UGT1A3: variants seen among roughly 807,000 people sequenced by gnomAD.
UGT1A3 encodes UDP glucuronosyltransferase family 1 member A3.
UGT1A3 carries 31 observed loss-of-function variants against 41.0 expected under a neutral mutation model. The ratio of observed to expected loss-of-function variants is 0.76; its 90% CI spans 0.57 to 1.02. UGT1A3 has a LOEUF of 1.02. Ranked by LOEUF, UGT1A3 falls within the 50% of genes least tolerant of loss-of-function variation. The probability of loss-of-function intolerance (pLI) is 0.00; values close to 1 mark genes in which losing one functional copy is unlikely to be tolerated. For missense variants in UGT1A3, 737 were observed against 671.0 expected (o/e 1.10, Z -1.09); for synonymous variants, 262 against 257.6 (o/e 1.02, Z -0.17).
At chr2:233,734,972 G>C (rs1474652770) in intron 1 of UGT1A3, among the ~76,000 whole-genome samples, 2 of 152,238 alleles carry the variant, frequency 1.3e-5, no homozygotes, top group East Asian at 1.9e-4. Context: ...ATGTGGTGCT[G>C]AGAAGAATGT....
Position 233,761,147 on chromosome 2 carries a change from C to A in UGT1A3, c.868-5887C>A. 1.9e-6 allele frequency: 3 copies of A among 1,614,204 alleles called. No individual in the cohort carries two copies. In the South Asian group the frequency reaches 3.3e-5, roughly 18 times the overall value. ...AACTGCCTTCACCAAAATCCACTATCCCAGGTGTGTATTGGAGTGGGACTT... is the reference window on the plus strand; with the variant it reads ...AACTGCCTTCACCAAAATCCACTATACCAGGTGTGTATTGGAGTGGGACTT... On this transcript the variant is annotated intron_variant, in intron 1 of 4. Transcript: ENST00000482026.
intron 1 of UGT1A3, among the ~76,000 whole-genome samples, chr2:233,765,843 C>G (rs546022798): frequency 2.0e-4 from 31 of 152,086 alleles, no homozygotes; most frequent in African/African-American, 7.2e-4. Context: ...TTTCCTTGTC[C>G]CCCTCACAGA....
chr2:233,767,805 T>C lies in UGT1A3; in HGVS notation c.1000-44T>C, dbSNP rs774301079. On this transcript the variant is annotated intron_variant, in intron 2 of 4. Coordinates refer to ENST00000482026, the MANE Select transcript of UGT1A3 (RefSeq NM_019093.4). The stretch of plus-strand genomic sequence containing the variant: ...GTATAGCAGATTTGTTTTCTAATCA[T>C]ATTATGTTCTTTCTTTACGTTCTGC... 24 of 1,614,048 alleles carry C rather than the reference T, an allele frequency of 1.5e-5. No homozygotes were observed. In the South Asian group the frequency reaches 2.5e-4, roughly 17 times the overall value.
chr2:233,755,491 T>C (rs112011393), intron 1 of UGT1A3: 20 of 202,890 alleles, frequency 9.9e-5, no homozygotes, highest in Non-Finnish European at 1.9e-4. Flanking sequence ...GGCCCTGTGA[T>C]GCTCCAAGAC....
chr2:233,744,582 C>T (rs1692857811), intron 1 of UGT1A3, among the ~76,000 whole-genome samples: 2 of 151,846 alleles, frequency 1.3e-5, no homozygotes, highest in African/African-American at 4.9e-5. Flanking sequence ...CATCGTTTTA[C>T]AGTTTTTGCA....
intron 1 of UGT1A3, 97 bp downstream of exon 1, chr2:233,730,090 C>G: frequency 6.3e-7 from 1 of 1,596,074 alleles, no homozygotes; most frequent in Admixed American, 1.7e-5. Flanking sequence ...ACTTATCTTT[C>G]CAAATATTTC....
intron 1 of UGT1A3, among the ~76,000 whole-genome samples, chr2:233,763,257 T>A (rs187516962): frequency 6.6e-6 from 1 of 152,268 alleles, no homozygotes. Context: ...TAACCTGTTT[T>A]GTCTTGTTGC....
At chr2:233,741,092 C>G (rs1056351038) in intron 1 of UGT1A3, among the ~76,000 whole-genome samples, 2 of 151,810 alleles carry the variant, frequency 1.3e-5, no homozygotes, top group African/African-American at 4.9e-5. Flanking sequence ...AACAAACAAG[C>G]AAACAGACAA....
intron 1 of UGT1A3, among the ~76,000 whole-genome samples, chr2:233,758,095 C>A (rs1037336650): frequency 2.0e-5 from 3 of 152,150 alleles, no homozygotes; most frequent in Non-Finnish European, 2.9e-5. Context: ...ATAGTGACTG[C>A]CATCCAGTAG....
chr2:233,750,101 C>T (rs1348616691), intron 1 of UGT1A3, among the ~76,000 whole-genome samples: 1 of 151,822 alleles, frequency 6.6e-6, no homozygotes, highest in Non-Finnish European at 1.5e-5. Flanking sequence ...TTGGAGAGCT[C>T]AGAAGAAGAC....
In UGT1A3 at chr2:233,767,087, T is replaced by A; in HGVS notation, c.921T>A (p.Ser307=). 1 of 1,614,180 alleles carries A rather than the reference T, an allele frequency of 6.2e-7. No homozygotes were observed. The highest frequency in any genetic ancestry group is 8.5e-7 in the Non-Finnish European group (1 of 1,180,034). The change falls in exon 2 of 5, where the codon TCT becomes TCA. Residue 307 remains serine, a synonymous_variant. Coordinates refer to ENST00000482026, the MANE Select transcript of UGT1A3 (RefSeq NM_019093.4). ...GAGAACATGGAATTGTGGTTTTCTC[T>A]TTGGGATCAATGGTCTCAGAAATTC... is the stretch of plus-strand genomic sequence containing the variant. The part of the protein sequence containing the change: ...ASGEHGIVVF[S]LGSMVSEIPE...
intron 1 of UGT1A3, among the ~76,000 whole-genome samples, chr2:233,730,262 T>G (rs2078006509): frequency 6.6e-6 from 1 of 152,108 alleles, no homozygotes; most frequent in South Asian, 2.1e-4. Context: ...TAGAGACTGT[T>G]GGTTTGTAAA....
At chr2:233,743,088 A>T (rs942184123) in intron 1 of UGT1A3, 6 of 346,134 alleles carry the variant, frequency 1.7e-5, no homozygotes, top group African/African-American at 1.3e-4. Context: ...AGTGTTTATA[A>T]ATTCTTGGGT....
At chr2:233,758,491 A>G (rs953417996) in intron 1 of UGT1A3, among the ~76,000 whole-genome samples, 5 of 152,260 alleles carry the variant, frequency 3.3e-5, no homozygotes, top group African/African-American at 1.2e-4. Context: ...TGTGAATTTC[A>G]GAATTTCTAA....
chr2:233,761,935 G>A (rs1036526239), intron 1 of UGT1A3, among the ~76,000 whole-genome samples: 1 of 152,192 alleles, frequency 6.6e-6, no homozygotes, highest in African/African-American at 2.4e-5. Context: ...GCACTTCCCA[G>A]GTGCTGCGTC....
At chr2:233,763,919 C>T (rs748972276) in intron 1 of UGT1A3, among the ~76,000 whole-genome samples, 11 of 152,168 alleles carry the variant, frequency 7.2e-5, no homozygotes, top group African/African-American at 2.4e-4. Context: ...ACCAAGGCTT[C>T]GAGATGGCCA....
In UGT1A3 at chr2:233,769,925, T is replaced by TG. The variant is rs2126049712; in HGVS notation, c.1307+1488dup. ...CATGTGCCCAGAGCGTTGGGTGGTG[T>TG]GGTCCCATTCCTTCCTTCCAGCGGC... On this transcript the variant is annotated intron_variant, in intron 4 of 4. Transcript: ENST00000482026. This position sits in a 1 kb window ranked among gnomAD's most constrained non-coding sequence, Gnocchi z 4.4. The TG allele has an allele frequency of 3.8e-6, 1 of 266,564 alleles. No individual in the cohort carries two copies. Among genetic ancestry groups the TG allele is most frequent in the Admixed American group, 5.1e-5 (1 of 19,790 alleles). 16.5% of individuals were successfully genotyped at this position (266,564 alleles called of 1,614,324 possible). A position where few individuals can be genotyped will look rare whatever the true frequency, so the allele number is the denominator to read the frequency against.
Position 233,767,108 on chromosome 2 carries a change from A to T in UGT1A3, c.942A>T (p.Glu314Asp). ...TCTCTTTGGGATCAATGGTCTCAGA[A>T]ATTCCAGAGAAGAAAGCTATGGCAA... The part of the protein sequence containing the change: ...VVFSLGSMVS[E>D]IPEKKAMAIA... The change falls in exon 2 of 5, where the codon GAA (glutamate) becomes GAT (aspartate). Residue 314 changes from glutamate (E) to aspartate (D), a missense_variant. Glu to Asp is a conservative substitution (Grantham distance 45). Coordinates refer to ENST00000482026, the MANE Select transcript of UGT1A3 (RefSeq NM_019093.4). 1 of 1,614,166 alleles carries T rather than the reference A, an allele frequency of 6.2e-7. No individual in the cohort carries two copies.
intron 1 of UGT1A3, chr2:233,747,078 AG>A: frequency 1.8e-6 from 2 of 1,085,946 alleles, no homozygotes; most frequent in Non-Finnish European, 2.6e-6. Context: ...ATAATTAACT[AG>A]GAGGAGAGCA....
Sources: gnomAD v4.1 joint callset for allele counts (sites outside exome capture counted in the v4.1 genomes callset) on GRCh38, gnomAD v4.1.1 for gene constraint, Gnocchi (gnomAD v3.1) non-coding constraint, MANE v1.5 for transcripts, NCBI Gene and HGNC (gene_info 2026-07-23, HGNC 2026-07-21) for gene names.